The following VSIG4 variants were observed in gnomAD, a reference collection of about 807,000 sequenced individuals.
VSIG4 encodes the protein V-set and immunoglobulin domain-containing protein 4.
Under a neutral mutation model 23.4 loss-of-function variants are expected in VSIG4, and 34 were observed. The observed-to-expected ratio is 1.45, with a 90% CI of 1.10 to 1.93. VSIG4 has a LOEUF of 1.93. Ranked by LOEUF, VSIG4 falls within the 30% of genes most tolerant of loss-of-function variation. The pLI is 0.00. For synonymous variants in VSIG4, 169 were observed against 120.3 expected (o/e 1.41, Z -2.65); for missense variants, 433 against 310.8 (o/e 1.39, Z -2.96).
chrX:66,023,057 G>T (rs964619304), intron 6 of VSIG4, among the ~76,000 whole-genome samples, 195 bp from the exon 7 acceptor site: 1 of 111,194 alleles, frequency 9.0e-6, no homozygotes, highest in African/African-American at 3.3e-5. Flanking sequence ...TCAGGTAAAA[G>T]AAGGGGAAGC....
At chrX:66,035,371 G>A (rs1425571351) in intron 1 of VSIG4, among the ~76,000 whole-genome samples, 1 of 111,409 alleles carries the variant, frequency 9.0e-6, no homozygotes, top group African/African-American at 3.3e-5. Context: ...TTTTCACATC[G>A]CAGAACAGAT....
At chrX:66,026,407 G>T (rs373132835) in intron 5 of VSIG4, among the ~76,000 whole-genome samples, 1 of 111,761 alleles carries the variant, frequency 8.9e-6, no homozygotes, top group Non-Finnish European at 1.9e-5. Context: ...AAAATAGGGC[G>T]CAGACCCAAC....
chrX:66,033,376 T>A lies in VSIG4; in HGVS notation c.412+98A>T, dbSNP rs184275066. On this transcript the variant is annotated intron_variant, in intron 2 of 7. Coordinates refer to ENST00000374737, the MANE Select transcript of VSIG4 (RefSeq NM_007268.3). ...CACATATACCTGTGGAGAGCCTCTG[T>A]ATAAACGAAGGCCTCTGGATTTTTC... The A allele has an allele frequency of 6.5e-6, 5 of 769,061 alleles. No homozygotes were observed. The African/African-American group carries it at 1.1e-4, about 16-fold the overall frequency. 63.4% of individuals were successfully genotyped at this position (769,061 alleles called of 1,213,427 possible).
Position 66,021,870 on chromosome X carries a change from G to C in VSIG4, c.*393C>G, listed in dbSNP as rs1031864315. ...TAAAAGCTGTCTGGCCCTGAAGAAA[G>C]AGAAATGATCCTGGATATAGCTGGT... is the stretch of plus-strand genomic sequence containing the variant. On this transcript the variant is annotated 3_prime_UTR_variant, in exon 8 of 8. Coordinates refer to ENST00000374737, the MANE Select transcript of VSIG4 (RefSeq NM_007268.3). 4 of 319,376 alleles carry C rather than the reference G, an allele frequency of 1.3e-5. No homozygotes were observed. The highest frequency in any genetic ancestry group is 2.3e-5 in the Non-Finnish European group (4 of 177,182). The allele number at this position is 319,376 out of a possible 1,213,427, so 26.3% of individuals were successfully genotyped here.
At chrX:66,038,868 A>T (rs887876780) in intron 1 of VSIG4, among the ~76,000 whole-genome samples, 1 of 111,112 alleles carries the variant, frequency 9.0e-6, no homozygotes, top group African/African-American at 3.3e-5. Context: ...ATTCTTTCTG[A>T]CCTAACAAGT....
chrX:66,030,078 A>G (rs1163790226), intron 3 of VSIG4, among the ~76,000 whole-genome samples: 3 of 112,138 alleles, frequency 2.7e-5, no homozygotes. Context: ...CAGAAGGATC[A>G]TTCAGGAAGG....
At chrX:66,038,000 C>T (rs1221326164) in intron 1 of VSIG4, among the ~76,000 whole-genome samples, 2 of 110,172 alleles carry the variant, frequency 1.8e-5, no homozygotes, top group African/African-American at 6.6e-5. Flanking sequence ...TTTTCCATAT[C>T]TCTATCCCAT....
chrX:66,028,216 T>A (rs753880820), intron 3 of VSIG4, 104 bp from the exon 4 acceptor site: 38 of 660,741 alleles, frequency 5.8e-5, no homozygotes, highest in African/African-American at 3.7e-4. Flanking sequence ...AGGTCCATAC[T>A]TGGACCTGCC....
At chrX:66,028,149 A>T (rs2085415489) in intron 3 of VSIG4, 37 bp from the exon 4 acceptor site, 1 of 1,149,112 alleles carries the variant, frequency 8.7e-7, no homozygotes, top group Non-Finnish European at 1.2e-6. Context: ...GGGACCTGGT[A>T]CCCTTTGGTG....
intron 4 of VSIG4, among the ~76,000 whole-genome samples, 185 bp from the exon 5 acceptor site, chrX:66,027,711 G>A (rs1051551516): frequency 8.9e-6 from 1 of 111,989 alleles, no homozygotes; most frequent in Non-Finnish European, 1.9e-5. Flanking sequence ...TGTTAGGTGT[G>A]GGCAGTGAGA....
chrX:66,024,025 C>A (rs1391063847), intron 6 of VSIG4, among the ~76,000 whole-genome samples: 1 of 112,125 alleles, frequency 8.9e-6, no homozygotes, highest in Non-Finnish European at 1.9e-5. Flanking sequence ...TAATTGAAAC[C>A]TGGGAGAAGG....
Position 66,022,475 on chromosome X carries a change from A to G in VSIG4, c.988T>C (p.Ser330Pro), listed in dbSNP as rs773672212. 17 of 1,210,675 alleles carry G rather than the reference A, an allele frequency of 1.4e-5. No homozygotes were observed. Among genetic ancestry groups the G allele is most frequent in the Non-Finnish European group, 1.6e-5 (14 of 895,361 alleles). ...ARAHAREAND[S>P]GETMRVAIFA... The stretch of plus-strand genomic sequence containing the variant: ...ATGGCCACCCTCATGGTTTCTCCAG[A>G]GTCGTTGGCCTCTCTGGCATGTGCC... Residue 330 changes from serine to proline, a missense_variant, in exon 8 of 8, where the codon TCT becomes CCT. Physicochemically the swap from Ser to Pro is moderately conservative, Grantham distance 74 (BLOSUM62 -1). Coordinates refer to ENST00000374737, the MANE Select transcript of VSIG4 (RefSeq NM_007268.3).
At chrX:66,034,552 C>A (rs1444222326) in intron 1 of VSIG4, among the ~76,000 whole-genome samples, 1 of 111,720 alleles carries the variant, frequency 9.0e-6, no homozygotes. Context: ...GACTTTTTTT[C>A]TGATTTCTTT....
chrX:66,032,793 G>T (rs760000998), intron 2 of VSIG4, 44 bp from the exon 3 acceptor site: 1 of 1,168,503 alleles, frequency 8.6e-7, no homozygotes, highest in Non-Finnish European at 1.2e-6. Context: ...CAGTCATAAG[G>T]ATATGGGACC....
rs1316639292 is a variant in VSIG4 at position 66,022,053 on chromosome X, A to G, written c.*210T>C. On this transcript the variant is annotated 3_prime_UTR_variant, in exon 8 of 8. Transcript: ENST00000374737. ...ACCAGAAGCCCCCGGCAGAGATACTAGAAGGGCCCAGAGCCAAATCCAGCA... is the reference window on the plus strand; with the variant it reads ...ACCAGAAGCCCCCGGCAGAGATACTGGAAGGGCCCAGAGCCAAATCCAGCA... 8.6e-7 allele frequency: 1 copy of G among 1,160,234 alleles called. No homozygotes were observed. Among genetic ancestry groups the G allele is most frequent in the African/African-American group, 1.8e-5 (1 of 55,563 alleles).
chrX:66,025,222 T>C, intron 5 of VSIG4, 93 bp from the exon 6 acceptor site: 1 of 577,044 alleles, frequency 1.7e-6, no homozygotes, highest in South Asian at 4.4e-5. Context: ...CCAGGCCTTT[T>C]TCTTTTTCAT....
At chrX:66,029,722 G>A (rs1177389787) in intron 3 of VSIG4, among the ~76,000 whole-genome samples, 1 of 111,232 alleles carries the variant, frequency 9.0e-6, no homozygotes, top group Non-Finnish European at 1.9e-5. Flanking sequence ...ATTATTTGAC[G>A]ATGCGAGGTA....
At chrX:66,032,342 T>C (rs1266643684) in intron 3 of VSIG4, 126 bp downstream of exon 3, 9 of 890,759 alleles carry the variant, frequency 1.0e-5, no homozygotes, top group Admixed American at 7.2e-5. Context: ...TTCTTTGTGA[T>C]TGTACAACCA....
In VSIG4 at chrX:66,022,869, A is replaced by G. The variant is rs780326722; in HGVS notation, c.941-7T>C. The G allele has an allele frequency of 3.7e-5, 45 of 1,209,841 alleles. No individual in the cohort carries two copies. The highest frequency in any genetic ancestry group is 3.6e-5 in the Non-Finnish European group (32 of 894,853). ...GCTGCTTCGTAGACATGCTCTAGAA[A>G]AAAAGGAGGAATCATGTCAGAAGTT... On this transcript the variant is annotated splice_polypyrimidine_tract_variant and splice_region_variant and intron_variant, in intron 6 of 7. Coordinates refer to ENST00000374737, the MANE Select transcript of VSIG4 (RefSeq NM_007268.3).
Sources: gnomAD v4.1 joint callset for allele counts (sites outside exome capture counted in the v4.1 genomes callset) on GRCh38, gnomAD v4.1.1 for gene constraint, MANE v1.5 for transcripts, NCBI Gene and HGNC (gene_info 2026-07-23, HGNC 2026-07-21) for gene names.